TARBP1: variants seen among roughly 807,000 people sequenced by gnomAD.
The protein encoded by TARBP1 is tRNA (guanosine(18)-2'-O)-methyltransferase TARBP1.
Under a neutral mutation model 178.6 loss-of-function variants are expected in TARBP1, and 144 were observed. That is an observed-to-expected ratio of 0.81 (90% CI 0.70 to 0.93). The LOEUF is 0.93. TARBP1 is among the 40% of genes least tolerant of loss of function. TARBP1 has a pLI of 0.00. For synonymous variants in TARBP1, 787 were observed against 781.0 expected (o/e 1.01, Z -0.13); for missense variants, 2,067 against 2,011.7 (o/e 1.03, Z -0.53).
chr1:234,408,836 CA>C (rs1480249847), intron 23 of TARBP1, among the ~76,000 whole-genome samples: 1 of 152,202 alleles, frequency 6.6e-6, no homozygotes, highest in Non-Finnish European at 1.5e-5. Context: ...GTCTCCTGCA[CA>C]AGCAGCTCTG....
chr1:234,425,048 C>T (rs1017190829), intron 20 of TARBP1, among the ~76,000 whole-genome samples: 58 of 143,286 alleles, frequency 4.0e-4, no homozygotes, highest in Admixed American at 3.6e-3. Context: ...ACAACAAGAG[C>T]GAAACTCCGT....
chr1:234,429,283 G>C lies in TARBP1; in HGVS notation c.2913C>G (p.Asp971Glu). The C allele has an allele frequency of 6.3e-7, 1 of 1,599,146 alleles. No individual in the cohort carries two copies. Among genetic ancestry groups the C allele is most frequent in the South Asian group, 1.1e-5 (1 of 87,144 alleles). ...AAGAAGATATAATTTTCCACGCCAT[G>C]TCAAAAGACTCTATGCAGAGTGATT... ...SSESLCIESF[D>E]MAWKIISSLS... is the part of the protein sequence containing the mutation. The change falls in exon 17 of 30, where the codon GAC (aspartate) becomes GAG (glutamate). Residue 971 changes from aspartate to glutamate, a missense_variant. By Grantham distance (45) the Asp-to-Glu change is conservative. Coordinates refer to ENST00000040877, the MANE Select transcript of TARBP1 (RefSeq NM_005646.4).
chr1:234,467,932 C>T (rs1165277571), intron 3 of TARBP1, among the ~76,000 whole-genome samples: 2 of 152,082 alleles, frequency 1.3e-5, no homozygotes, highest in African/African-American at 4.8e-5. Context: ...GTATGCAAAC[C>T]ACGCCTAGAC....
At chr1:234,464,779 T>C (rs1668260567) in intron 5 of TARBP1, among the ~76,000 whole-genome samples, 1 of 152,154 alleles carries the variant, frequency 6.6e-6, no homozygotes, top group South Asian at 2.1e-4. Flanking sequence ...ATAAATTTAG[T>C]TAATATTAGA....
chr1:234,402,866 G>A (rs554121324), intron 24 of TARBP1, among the ~76,000 whole-genome samples: 4 of 152,128 alleles, frequency 2.6e-5, no homozygotes, highest in South Asian at 2.1e-4. Flanking sequence ...GATTACAGGC[G>A]AGAGCCACTG....
chr1:234,395,367 G>T (rs1185886077), intron 26 of TARBP1, among the ~76,000 whole-genome samples: 1 of 152,208 alleles, frequency 6.6e-6, no homozygotes, highest in Non-Finnish European at 1.5e-5. Context: ...AGGGGCTTTT[G>T]TAGTAGTCCA....
intron 22 of TARBP1, among the ~76,000 whole-genome samples, chr1:234,416,677 T>G (rs1662457303): frequency 2.6e-5 from 4 of 152,122 alleles, no homozygotes; most frequent in Admixed American, 2.6e-4. Context: ...CAACCTGTCT[T>G]TGAGGATTAT....
chr1:234,400,523 C>G (rs1660573127), intron 25 of TARBP1, among the ~76,000 whole-genome samples: 1 of 152,042 alleles, frequency 6.6e-6, no homozygotes, highest in African/African-American at 2.4e-5. Flanking sequence ...CTTAAGTTAC[C>G]AATAACTTAT....
chr1:234,411,795 G>A (rs1004387288), intron 22 of TARBP1, among the ~76,000 whole-genome samples: 1 of 152,128 alleles, frequency 6.6e-6, no homozygotes, highest in Non-Finnish European at 1.5e-5. Context: ...CATAATCATA[G>A]TGGTTTTGGA....
At chr1:234,418,954 C>T (rs1360845177) in intron 21 of TARBP1, among the ~76,000 whole-genome samples, 1 of 152,134 alleles carries the variant, frequency 6.6e-6, no homozygotes, top group Non-Finnish European at 1.5e-5. Context: ...GGGCGGATCA[C>T]AAGGTCAGAA....
intron 9 of TARBP1, among the ~76,000 whole-genome samples, chr1:234,456,339 T>C (rs1295370024): frequency 6.6e-6 from 1 of 152,234 alleles, no homozygotes; most frequent in Non-Finnish European, 1.5e-5. Context: ...TAGCTGAGAC[T>C]ACAGGCACAC....
rs189924851 is a variant in TARBP1, at chr1:234,439,703, G to A, written c.2135-2331C>T. Among the ~76,000 whole-genome samples the A allele has an allele frequency of 2.4e-3, 360 of 152,248 alleles. 4 individuals carry two copies. The highest frequency in any genetic ancestry group is 4.9e-4 in the Non-Finnish European group (33 of 68,016). ...TAGCCAGGCATGATGGTGGGCACCT[G>A]TAATCCCAGCTACTCGGTAAACTGA... is the stretch of plus-strand genomic sequence containing the variant. On this transcript the variant is annotated intron_variant, in intron 12 of 29. Coordinates refer to ENST00000040877, the MANE Select transcript of TARBP1 (RefSeq NM_005646.4).
intron 2 of TARBP1, among the ~76,000 whole-genome samples, chr1:234,471,728 T>C (rs1440682474): frequency 6.6e-6 from 1 of 152,188 alleles, no homozygotes; most frequent in Non-Finnish European, 1.5e-5. Flanking sequence ...CTTCAAAATA[T>C]GGATAAATTT....
In TARBP1 at chr1:234,460,255, A is replaced by G; in HGVS notation, c.1535+6T>C. On this transcript the variant is annotated splice_donor_region_variant and intron_variant, in intron 7 of 29. Coordinates refer to ENST00000040877, the MANE Select transcript of TARBP1 (RefSeq NM_005646.4). ...ACCATACAAGTACATATACAGAGTA[A>G]ATTACCTGAGAGCAAGAAGCCCATC... 4 of 1,612,302 alleles carry G rather than the reference A, an allele frequency of 2.5e-6. No homozygotes were observed. Among genetic ancestry groups the G allele is most frequent in the Non-Finnish European group, 3.4e-6 (4 of 1,179,558 alleles).
intron 13 of TARBP1, among the ~76,000 whole-genome samples, chr1:234,435,975 G>A (rs1330191119): frequency 6.6e-6 from 1 of 152,206 alleles, no homozygotes; most frequent in African/African-American, 2.4e-5. Context: ...AGTGTGGGAA[G>A]AGAATTTTAT....
chr1:234,400,918 T>C (rs1660616574), intron 25 of TARBP1: 1 of 268,200 alleles, frequency 3.7e-6, no homozygotes, highest in Non-Finnish European at 7.1e-6. Context: ...AGTTAAATAT[T>C]CCCTTCCATT....
chr1:234,400,647 A>G (rs1660587083), intron 25 of TARBP1, among the ~76,000 whole-genome samples: 1 of 152,218 alleles, frequency 6.6e-6, no homozygotes, highest in African/African-American at 2.4e-5. Context: ...CTAATGATTT[A>G]CATATTGAAT....
rs146701743 is a variant in TARBP1 at position 234,393,467 on chromosome 1, C to T, written c.4455G>A (p.Glu1485=). 5.6e-6 allele frequency: 9 copies of T among 1,605,216 alleles called. No individual in the cohort carries two copies. The highest frequency in any genetic ancestry group is 6.8e-6 in the Non-Finnish European group (8 of 1,175,810). Reference sequence around the variant, plus strand: ...CAACGAGCACTGAAGCCCCAAATACCTCACAGGTCCTGCACAGTCCTGCAC... The same window carrying T: ...CAACGAGCACTGAAGCCCCAAATACTTCACAGGTCCTGCACAGTCCTGCAC... The part of the protein sequence containing the change: ...TNLGGLCRTC[E]VFGASVLVVG... Residue 1485 remains glutamate (E), a synonymous_variant, in exon 28 of 30, where the codon GAG becomes GAA. Transcript: ENST00000040877.
chr1:234,407,626 G>A (rs1287857176), intron 23 of TARBP1: 3 of 152,206 alleles, frequency 2.0e-5, no homozygotes, highest in Non-Finnish European at 2.9e-5. Context: ...ATGAGCCACA[G>A]TGCCTGGACT....
Sources: gnomAD v4.1 joint callset for allele counts (sites outside exome capture counted in the v4.1 genomes callset) on GRCh38, gnomAD v4.1.1 for gene constraint, MANE v1.5 for transcripts, NCBI Gene and HGNC (gene_info 2026-07-23, HGNC 2026-07-21) for gene names.